Variants in ANO2 observed in about 807,000 individuals in gnomAD.
ANO2 encodes anoctamin 2.
Under a neutral mutation model 124.2 loss-of-function variants are expected in ANO2, and 101 were observed. That is an observed-to-expected ratio of 0.81 (90% CI 0.69 to 0.96). The LOEUF (loss-of-function observed/expected upper bound fraction) is 0.96. Ranked by LOEUF, ANO2 falls within the 40% of genes least tolerant of loss-of-function variation. The pLI is 0.00. For missense variants in ANO2, 1,293 were observed against 1,274.5 expected, an observed-to-expected ratio of 1.01 and a Z score of -0.22; for synonymous variants, 486 against 482.5, an observed-to-expected ratio of 1.01 and a Z score of -0.09.
intron 3 of ANO2, among the ~76,000 whole-genome samples, chr12:5,916,322 C>T (rs17724452): frequency 6.7e-6 from 1 of 150,128 alleles, no homozygotes; most frequent in South Asian, 2.2e-4. Context: ...ACATGCAGAA[C>T]GTGAATGGAT....
chr12:5,705,849 A>G (rs1450865166), intron 14 of ANO2, among the ~76,000 whole-genome samples: 1 of 151,950 alleles, frequency 6.6e-6, no homozygotes, highest in Non-Finnish European at 1.5e-5. Context: ...GACTGTTCCA[A>G]CTCCCTTCTT....
chr12:5,909,994 CAG>C (rs1480796786), intron 3 of ANO2, among the ~76,000 whole-genome samples: 1 of 152,154 alleles, frequency 6.6e-6, no homozygotes, highest in African/African-American at 2.4e-5. Context: ...TGTATAGAAA[CAG>C]AGTTATCCAA....
At chr12:5,733,030 C>A (rs1359223215) in intron 13 of ANO2, 6 of 865,766 alleles carry the variant, frequency 6.9e-6, no homozygotes, top group Non-Finnish European at 1.1e-5. Flanking sequence ...CAAACTTTAA[C>A]TTTCAACAAG....
intron 3 of ANO2, among the ~76,000 whole-genome samples, chr12:5,894,418 C>A (rs7296287): frequency 0.89 from 135,512 of 152,154 alleles, 60,471 homozygotes; most frequent in African/African-American, 0.93. Flanking sequence ...GGTTTCAAAA[C>A]TTTTCTCCCA....
At chr12:5,771,533 A>G (rs1475614634) in intron 10 of ANO2, among the ~76,000 whole-genome samples, 1 of 152,136 alleles carries the variant, frequency 6.6e-6, no homozygotes, top group Non-Finnish European at 1.5e-5. Flanking sequence ...TAATCCCAGC[A>G]CTTTGGGAGG....
At chr12:5,738,510 C>T (rs1296328512) in intron 13 of ANO2, among the ~76,000 whole-genome samples, 3 of 152,158 alleles carry the variant, frequency 2.0e-5, no homozygotes, top group Non-Finnish European at 4.4e-5. Flanking sequence ...ACATCCCATC[C>T]ATGGTGGCAC....
At chr12:5,746,964 C>T (rs191315574) in intron 11 of ANO2, among the ~76,000 whole-genome samples, 3 of 152,270 alleles carry the variant, frequency 2.0e-5, no homozygotes, top group African/African-American at 4.8e-5. Context: ...GTATCATGCA[C>T]GCATGGAAGT....
At chr12:5,610,264 T>C (rs1339612335) in intron 19 of ANO2, among the ~76,000 whole-genome samples, 2 of 123,578 alleles carry the variant, frequency 1.6e-5, no homozygotes, top group Non-Finnish European at 3.1e-5. Flanking sequence ...TATACATAAA[T>C]ATATAAATGC....
intron 14 of ANO2, among the ~76,000 whole-genome samples, chr12:5,696,665 G>GT (rs1428705587): frequency 3.3e-5 from 5 of 152,114 alleles, no homozygotes; most frequent in African/African-American, 4.8e-5. Flanking sequence ...GACACAAAAT[G>GT]TAAGAAAGAA....
intron 1 of ANO2, among the ~76,000 whole-genome samples, chr12:5,928,736 C>A (rs1285449205): frequency 1.2e-5 from 1 of 80,862 alleles, no homozygotes; most frequent in African/African-American, 5.5e-5. Context: ...TCCTTCCTTA[C>A]TAGTCTGTCT....
intron 14 of ANO2, among the ~76,000 whole-genome samples, chr12:5,716,671 C>T (rs1046705130): frequency 1.3e-5 from 2 of 152,136 alleles, no homozygotes; most frequent in Non-Finnish European, 2.9e-5. Flanking sequence ...GCCGATAGAC[C>T]ATGCACCATT....
At chr12:5,782,570 T>C (rs963386468) in intron 10 of ANO2, among the ~76,000 whole-genome samples, 1 of 152,232 alleles carries the variant, frequency 6.6e-6, no homozygotes, top group Non-Finnish European at 1.5e-5. Flanking sequence ...ACAATTATTA[T>C]ATTTTTTAGC....
chr12:5,612,130 C>T (rs1800335569), intron 19 of ANO2, among the ~76,000 whole-genome samples: 1 of 152,156 alleles, frequency 6.6e-6, no homozygotes. Flanking sequence ...TATCTAAATG[C>T]AAAACCTGAT....
chr12:5,694,284 A>AGAGAGAGAGAGAGAGAG (rs55758114), intron 14 of ANO2, among the ~76,000 whole-genome samples: 13 of 150,814 alleles, frequency 8.6e-5, no homozygotes, highest in South Asian at 2.1e-4. Context: ...AGAGAGAGAG[A>AGAGAGAGAGAGAGAGAG]ATAAAACAGA....
At chr12:5,603,464 C>G (rs114810289) in intron 19 of ANO2, among the ~76,000 whole-genome samples, 344 of 152,210 alleles carry the variant, frequency 2.3e-3, no homozygotes, top group African/African-American at 8.0e-3. Flanking sequence ...ATAATTTACT[C>G]TTACTATTTA....
chr12:5,677,530 T>C (rs10774360), intron 14 of ANO2, among the ~76,000 whole-genome samples: 68,501 of 152,004 alleles, frequency 0.45, 16,987 homozygotes, highest in Middle Eastern at 0.61. Context: ...CGCTGAGACC[T>C]CTGGGTAAGT....
intron 11 of ANO2, among the ~76,000 whole-genome samples, chr12:5,749,102 T>C (rs1250667801): frequency 6.6e-6 from 1 of 152,234 alleles, no homozygotes; most frequent in Non-Finnish European, 1.5e-5. Context: ...TGTGAGACCA[T>C]TTCTATAGAG....
chr12:5,917,148 G>A (rs17786412), intron 3 of ANO2, among the ~76,000 whole-genome samples: 23,041 of 152,092 alleles, frequency 0.15, 1,989 homozygotes, highest in Middle Eastern at 0.2. Flanking sequence ...CTGGTCAGTC[G>A]CAAGAGCCAT....
chr12:5,916,656 T>C (rs1033595154), intron 3 of ANO2, among the ~76,000 whole-genome samples: 1 of 151,714 alleles, frequency 6.6e-6, no homozygotes, highest in Non-Finnish European at 1.5e-5. Context: ...AGATGGAAAC[T>C]CTGTACAATC....
Sources: gnomAD v4.1 joint callset for allele counts (sites outside exome capture counted in the v4.1 genomes callset) on GRCh38, gnomAD v4.1.1 for gene constraint, MANE v1.5 for transcripts, NCBI Gene and HGNC (gene_info 2026-07-23, HGNC 2026-07-21) for gene names.